The following PCDH9 variants were observed in gnomAD, a reference collection of about 807,000 sequenced individuals.
The protein encoded by PCDH9 is protocadherin 9, also known as protocadherin-9.
PCDH9 carries 24 observed loss-of-function variants against 70.6 expected under a neutral mutation model. That is an observed-to-expected ratio of 0.34 (90% CI 0.25 to 0.48). PCDH9 has a LOEUF of 0.48. Among genes scored for constraint, PCDH9 ranks in the 20% least tolerant of loss-of-function variants. The pLI, the probability that PCDH9 is intolerant of heterozygous loss-of-function variation, is 0.99. For synonymous variants in PCDH9, 562 were observed against 558.5 expected (o/e 1.01, Z -0.09); for missense variants, 1,281 against 1,503.6 (o/e 0.85, Z 2.45).
At chr13:66,481,417 C>T (rs1958834470) in intron 4 of PCDH9, among the ~76,000 whole-genome samples, 1 of 152,026 alleles carries the variant, frequency 6.6e-6, no homozygotes, top group African/African-American at 2.4e-5. Flanking sequence ...CAGATTACAA[C>T]TTGCCAAAGG....
chr13:66,788,648 A>AT (rs58386697), intron 3 of PCDH9, among the ~76,000 whole-genome samples: 5,789 of 81,748 alleles, frequency 0.071, 367 homozygotes, highest in African/African-American at 0.16. Context: ...CTAAACAGTA[A>AT]TTTTTTTTTT....
chr13:66,700,970 A>ATATATATATATATAT (rs3042083), intron 3 of PCDH9, among the ~76,000 whole-genome samples: 1 of 106,698 alleles, frequency 9.4e-6, no homozygotes, highest in Non-Finnish European at 2.0e-5. Flanking sequence ...ATATATATAT[A>ATATATATATATATAT]CTTTTTCACA....
At chr13:66,488,114 AG>A in intron 4 of PCDH9, among the ~76,000 whole-genome samples, 1 of 152,322 alleles carries the variant, frequency 6.6e-6, no homozygotes, top group South Asian at 2.1e-4. Context: ...CTGAGATTTT[AG>A]GGAAAATTTG....
At chr13:66,976,098 G>A (rs1324307910) in intron 2 of PCDH9, among the ~76,000 whole-genome samples, 2 of 151,972 alleles carry the variant, frequency 1.3e-5, no homozygotes, top group South Asian at 2.1e-4. Context: ...GACAGGAGAC[G>A]GTCCCTCTGT....
At chr13:67,019,841 T>A (rs562318152) in intron 2 of PCDH9, among the ~76,000 whole-genome samples, 1 of 152,168 alleles carries the variant, frequency 6.6e-6, no homozygotes, top group East Asian at 1.9e-4. Flanking sequence ...CCAAGCACAC[T>A]TCAGGGACAA....
intron 2 of PCDH9, among the ~76,000 whole-genome samples, chr13:66,913,278 T>G (rs1475332058): frequency 1.3e-5 from 2 of 151,622 alleles, no homozygotes; most frequent in Non-Finnish European, 2.9e-5. Flanking sequence ...GAGAAAGGAG[T>G]GCATAAGTTC....
chr13:66,833,379 G>A (rs1407264309), intron 3 of PCDH9, among the ~76,000 whole-genome samples: 1 of 151,990 alleles, frequency 6.6e-6, no homozygotes, highest in African/African-American at 2.4e-5. Context: ...CTTGTTTTCA[G>A]TCTGACATGC....
intron 3 of PCDH9, among the ~76,000 whole-genome samples, chr13:66,651,570 T>A (rs1266597454): frequency 6.6e-6 from 1 of 151,984 alleles, no homozygotes; most frequent in Admixed American, 6.6e-5. Context: ...ACCATTGAAT[T>A]TTACTAAACA....
chr13:66,698,859 T>C (rs181221185), intron 3 of PCDH9, among the ~76,000 whole-genome samples: 1 of 151,606 alleles, frequency 6.6e-6, no homozygotes, highest in Admixed American at 6.6e-5. Context: ...AGTTTTGAGA[T>C]TACAGAGGTG....
intron 3 of PCDH9, among the ~76,000 whole-genome samples, chr13:66,730,896 T>TTTTTTTG (rs2079070009): frequency 1.3e-5 from 1 of 75,646 alleles, no homozygotes; most frequent in African/African-American, 4.6e-5. Context: ...TGTTTGTTTC[T>TTTTTTTG]TTTTTTTTGT....
rs1028811004 is a variant in PCDH9 at position 66,901,113 on chromosome 13, TA to T, written c.3138+2390del. Among the ~76,000 whole-genome samples, 11 of 151,556 alleles carry T rather than the reference TA, an allele frequency of 7.3e-5. No individual in the cohort carries two copies. In the East Asian group the frequency reaches 7.7e-4, roughly 11 times the overall value. On this transcript the variant is annotated intron_variant, in intron 3 of 4. Coordinates refer to ENST00000377865, the MANE Select transcript of PCDH9 (RefSeq NM_203487.3). The stretch of plus-strand genomic sequence containing the variant: ...AGAAACCTTGCATCTTAGAATGTTT[TA>T]AAAAAAACTCGAAAGATGACATCAC...
At chr13:66,622,374 C>G (rs554949017) in intron 4 of PCDH9, among the ~76,000 whole-genome samples, 2 of 152,308 alleles carry the variant, frequency 1.3e-5, no homozygotes, top group African/African-American at 4.8e-5. Flanking sequence ...ACCTGCAGCC[C>G]CGGTGCAGGA....
At chr13:67,025,676 T>G (rs1198342248) in intron 2 of PCDH9, among the ~76,000 whole-genome samples, 1 of 152,082 alleles carries the variant, frequency 6.6e-6, no homozygotes, top group African/African-American at 2.4e-5. Context: ...GGAGGAAGAT[T>G]TGAAAAAGAC....
chr13:67,056,605 T>C (rs915384180), intron 2 of PCDH9, among the ~76,000 whole-genome samples: 1 of 152,178 alleles, frequency 6.6e-6, no homozygotes, highest in Non-Finnish European at 1.5e-5. Context: ...AACCCCTTTG[T>C]TCAAATCATG....
At chr13:66,388,338 G>T (rs1209262049) in intron 4 of PCDH9, among the ~76,000 whole-genome samples, 1 of 152,074 alleles carries the variant, frequency 6.6e-6, no homozygotes, top group Non-Finnish European at 1.5e-5. Context: ...TCAGTGAACT[G>T]ATTTTAGTTT....
intron 4 of PCDH9, among the ~76,000 whole-genome samples, chr13:66,589,273 A>G (rs552638684): frequency 6.6e-6 from 1 of 152,186 alleles, no homozygotes; most frequent in East Asian, 1.9e-4. Context: ...AATTACAACG[A>G]AATTGTCAGC....
At chr13:66,822,777 G>A (rs1489755737) in intron 3 of PCDH9, among the ~76,000 whole-genome samples, 1 of 151,836 alleles carries the variant, frequency 6.6e-6, no homozygotes, top group Non-Finnish European at 1.5e-5. Context: ...CCCAGTGCTG[G>A]GATTACAGGT....
intron 4 of PCDH9, among the ~76,000 whole-genome samples, chr13:66,378,100 T>C (rs964781534): frequency 5.3e-5 from 8 of 152,174 alleles, no homozygotes; most frequent in Non-Finnish European, 1.0e-4. Flanking sequence ...TAGGTTACAT[T>C]TTTCTATTCC....
intron 2 of PCDH9, among the ~76,000 whole-genome samples, chr13:67,048,767 C>T (rs758126343): frequency 1.3e-5 from 2 of 152,202 alleles, no homozygotes; most frequent in Non-Finnish European, 2.9e-5. Flanking sequence ...CTGCCTTACT[C>T]ACAGGTGTTT....
Sources: allele counts gnomAD v4.1 joint callset (sites outside exome capture counted in the v4.1 genomes callset), GRCh38; gene constraint gnomAD v4.1.1; transcripts MANE v1.5; gene names NCBI Gene and HGNC (gene_info 2026-07-23, HGNC 2026-07-21).